The following FLT1 variants were observed in gnomAD, a reference collection of about 807,000 sequenced individuals.
The protein encoded by FLT1 is fms related receptor tyrosine kinase 1.
In FLT1, 49 loss-of-function variants were observed where a neutral mutation model predicts 156.3. The ratio of observed to expected loss-of-function variants is 0.31; its 90% CI spans 0.25 to 0.40. The LOEUF is 0.40. FLT1 is among the 10% of genes least tolerant of loss of function. The pLI is 1.00. For missense variants in FLT1, 1,322 were observed against 1,637.2 expected, an observed-to-expected ratio of 0.81 and a Z score of 3.32; for synonymous variants, 594 against 583.8, an observed-to-expected ratio of 1.02 and a Z score of -0.25.
At chr13:28,358,566 A>G (rs1451570006) in intron 14 of FLT1, among the ~76,000 whole-genome samples, 1 of 152,242 alleles carries the variant, frequency 6.6e-6, no homozygotes, top group Admixed American at 6.5e-5. Flanking sequence ...TGAAGCTTCA[A>G]TACCTTGTAC....
At chr13:28,475,294 T>A (rs529564602) in intron 1 of FLT1, among the ~76,000 whole-genome samples, 36 of 152,336 alleles carry the variant, frequency 2.4e-4, no homozygotes, top group South Asian at 8.3e-4. Flanking sequence ...ATTTCTAATT[T>A]ATTTGTTTTT....
intron 3 of FLT1, among the ~76,000 whole-genome samples, chr13:28,454,554 T>C (rs768907698): frequency 2.6e-5 from 4 of 152,308 alleles, no homozygotes; most frequent in Admixed American, 2.0e-4. Flanking sequence ...TAAATGGAGA[T>C]GACTGTGATA....
At chr13:28,440,924 C>T (rs984107298) in intron 3 of FLT1, among the ~76,000 whole-genome samples, 1 of 152,036 alleles carries the variant, frequency 6.6e-6, no homozygotes, top group African/African-American at 2.4e-5. Flanking sequence ...CAGGAGAGTG[C>T]CCCTCCTCCC....
chr13:28,354,629 GCCAA>G lies in FLT1; in HGVS notation c.2248+2921_2248+2924del, dbSNP rs1872836935. On this transcript the variant is annotated intron_variant, in intron 15 of 29. Transcript: ENST00000282397. Reference sequence around the variant, plus strand: ...ATATTTCAGGTGTGGCTGGATGATTGCCAATCATGTAATCTATATTTTCAGCTAA... The same window carrying G: ...ATATTTCAGGTGTGGCTGGATGATTGTCATGTAATCTATATTTTCAGCTAA... Among the ~76,000 whole-genome samples, 4 of 152,154 alleles carry G rather than the reference GCCAA, an allele frequency of 2.6e-5. No homozygotes were observed. In the South Asian group the frequency reaches 6.2e-4, roughly 24 times the overall value.
intron 3 of FLT1, among the ~76,000 whole-genome samples, chr13:28,446,349 A>G (rs138370751): frequency 1.6e-3 from 239 of 152,320 alleles, no homozygotes; most frequent in African/African-American, 5.6e-3. Flanking sequence ...GGAAGATCAA[A>G]ATGGTACAGG....
In FLT1 at chr13:28,412,332, T is replaced by TCTTTC. The variant is rs376788111; in HGVS notation, c.1437-6439_1437-6438insGAAAG. Among the ~76,000 whole-genome samples, 485 of 54,066 alleles carry TCTTTC rather than the reference T, an allele frequency of 9.0e-3. 12 individuals carry two copies. Among genetic ancestry groups the TCTTTC allele is most frequent in the East Asian group, 0.054 (100 of 1,840 alleles). The allele number at this position is 54,066 out of a possible 152,430, so 35.5% of individuals were successfully genotyped here. ...CTCTTTCTTTCTTTCTTTCTTTCTT[T>TCTTTC]TCTTTCTTTCTTTCTTTCTCTTTCT... On this transcript the variant is annotated intron_variant, in intron 10 of 29. Transcript: ENST00000282397.
chr13:28,393,351 G>A (rs898575721), intron 12 of FLT1, among the ~76,000 whole-genome samples: 2 of 152,134 alleles, frequency 1.3e-5, no homozygotes, highest in African/African-American at 2.4e-5. Flanking sequence ...TTAAAAGGAC[G>A]CCAGGGATGT....
chr13:28,458,659 T>G (rs1205368785), intron 3 of FLT1, among the ~76,000 whole-genome samples: 5 of 152,252 alleles, frequency 3.3e-5, no homozygotes, highest in Non-Finnish European at 5.9e-5. Context: ...TCTTCTATAG[T>G]CAAGCTCCCT....
intron 1 of FLT1, among the ~76,000 whole-genome samples, chr13:28,478,224 T>C (rs1880657457): frequency 6.6e-6 from 1 of 152,232 alleles, no homozygotes; most frequent in African/African-American, 2.4e-5. Context: ...CCGTGTTCTC[T>C]TTAAATAAAC....
intron 15 of FLT1, among the ~76,000 whole-genome samples, chr13:28,352,235 T>C (rs911888603): frequency 6.6e-6 from 1 of 152,248 alleles, no homozygotes; most frequent in Non-Finnish European, 1.5e-5. Flanking sequence ...CTTAACCTTT[T>C]TGAGCCTAGA....
chr13:28,323,719 C>T (rs923274692), intron 20 of FLT1, among the ~76,000 whole-genome samples: 1 of 151,492 alleles, frequency 6.6e-6, no homozygotes, highest in African/African-American at 2.4e-5. Context: ...CCCTTAACCA[C>T]TTTTCCATGC....
intron 14 of FLT1, among the ~76,000 whole-genome samples, chr13:28,363,674 T>C (rs1239405086): frequency 6.6e-6 from 1 of 151,832 alleles, no homozygotes; most frequent in African/African-American, 2.4e-5. Flanking sequence ...AGTGCAGTGG[T>C]GCAATCTCGG....
At chr13:28,452,499 C>G (rs992909981) in intron 3 of FLT1, among the ~76,000 whole-genome samples, 1 of 152,154 alleles carries the variant, frequency 6.6e-6, no homozygotes, top group East Asian at 1.9e-4. Flanking sequence ...CTCATCTGAT[C>G]TGGTCCCATC....
chr13:28,459,079 C>G (rs919628147), intron 3 of FLT1, among the ~76,000 whole-genome samples: 2 of 152,202 alleles, frequency 1.3e-5, no homozygotes, highest in African/African-American at 4.8e-5. Flanking sequence ...TGCAGATGGG[C>G]CAGAAAATTC....
chr13:28,342,919 C>T (rs1411428257), intron 16 of FLT1, among the ~76,000 whole-genome samples: 2 of 151,770 alleles, frequency 1.3e-5, no homozygotes, highest in African/African-American at 4.8e-5. Context: ...ATCATTTAGC[C>T]AGAGGTACCA....
intron 3 of FLT1, among the ~76,000 whole-genome samples, chr13:28,455,926 T>G (rs933017001): frequency 3.9e-5 from 6 of 152,156 alleles, no homozygotes; most frequent in South Asian, 4.1e-4. Context: ...GAGAGACCAT[T>G]ACATACTTAT....
intron 3 of FLT1, among the ~76,000 whole-genome samples, chr13:28,458,559 G>A (rs1879396469): frequency 6.6e-6 from 1 of 152,164 alleles, no homozygotes; most frequent in African/African-American, 2.4e-5. Context: ...CAGGGTCTGG[G>A]GCAGGGGCCA....
chr13:28,483,917 G>T, intron 1 of FLT1, among the ~76,000 whole-genome samples: 1 of 152,142 alleles, frequency 6.6e-6, no homozygotes, highest in Non-Finnish European at 1.5e-5. Flanking sequence ...AAATGTTGGT[G>T]GAAAGAGTCC....
Position 28,464,309 on chromosome 13 carries a change from C to A in FLT1, c.388+2594G>T, listed in dbSNP as rs561484723. 2.6e-5 allele frequency among the ~76,000 whole-genome samples: 4 copies of A among 152,286 alleles called. No individual in the cohort carries two copies. In the East Asian group the frequency reaches 7.7e-4, roughly 29 times the overall value. On this transcript the variant is annotated intron_variant, in intron 3 of 29. Coordinates refer to ENST00000282397, the MANE Select transcript of FLT1 (RefSeq NM_002019.4). ...ATGCAAGTGTTTTATGATATTGGAA[C>A]TTGTAATTTTCTGCGAATGGTTGTG...
Sources: allele counts gnomAD v4.1 joint callset (sites outside exome capture counted in the v4.1 genomes callset), GRCh38; gene constraint gnomAD v4.1.1; transcripts MANE v1.5; gene names NCBI Gene and HGNC (gene_info 2026-07-23, HGNC 2026-07-21).